NGEF: variants seen among roughly 807,000 people sequenced by gnomAD.
The protein encoded by NGEF is neuronal guanine nucleotide exchange factor, also known as ephexin-1.
In NGEF, 31 loss-of-function variants were observed where a neutral mutation model predicts 80.9. The observed-to-expected ratio is 0.38, with a 90% CI of 0.29 to 0.52. The LOEUF (loss-of-function observed/expected upper bound fraction) is 0.52. Among genes scored for constraint, NGEF ranks in the 20% least tolerant of loss-of-function variants. NGEF has a pLI of 0.84. For missense variants in NGEF, 709 were observed against 926.2 expected (o/e 0.77, Z 3.04); for synonymous variants, 371 against 370.2 (o/e 1.00, Z -0.03).
intron 5 of NGEF, among the ~76,000 whole-genome samples, chr2:232,903,110 T>C (rs1002631195): frequency 3.9e-5 from 6 of 152,240 alleles, no homozygotes; most frequent in African/African-American, 1.4e-4. Flanking sequence ...CATATGTGGC[T>C]AGTGTGTGAA....
chr2:232,915,040 A>G (rs1692766683), intron 5 of NGEF, among the ~76,000 whole-genome samples: 1 of 149,822 alleles, frequency 6.7e-6, no homozygotes, highest in South Asian at 2.1e-4. Context: ...AAAAAAGAAC[A>G]TTTTCATCAA....
chr2:232,891,061 G>A (rs1039963212), intron 8 of NGEF: 5 of 523,706 alleles, frequency 9.5e-6, no homozygotes, highest in African/African-American at 3.8e-5. Flanking sequence ...TTCCTGACCC[G>A]CCCCCATCGC....
chr2:233,000,137 C>G (rs1350460369), intron 1 of NGEF, among the ~76,000 whole-genome samples: 1 of 152,168 alleles, frequency 6.6e-6, no homozygotes, highest in African/African-American at 2.4e-5. Flanking sequence ...GGCCTTTCAC[C>G]CACGCTGGAG....
intron 3 of NGEF, among the ~76,000 whole-genome samples, chr2:232,955,098 G>A (rs950753422): frequency 1.3e-5 from 2 of 152,168 alleles, no homozygotes; most frequent in Non-Finnish European, 2.9e-5. Flanking sequence ...TCAAGTCTGG[G>A]AGTCTCCCTC....
chr2:232,879,830 C>T lies in NGEF; in HGVS notation c.1943-151G>A, dbSNP rs1026307020. On this transcript the variant is annotated intron_variant, in intron 14 of 14. Coordinates refer to ENST00000264051, the MANE Select transcript of NGEF (RefSeq NM_019850.3). ...AGGCAGCGGCTCTGCACACCTCTGC[C>T]GAGATGCTCAGACTGGAGTCACCCC... The T allele has an allele frequency of 7.5e-6, 5 of 668,670 alleles. No individual in the cohort carries two copies. The East Asian group carries it at 8.2e-5, about 11-fold the overall frequency. The allele number at this position is 668,670 out of a possible 1,614,324, so 41.4% of individuals were successfully genotyped here.
chr2:232,896,698 GTA>G (rs1559197203), intron 5 of NGEF, among the ~76,000 whole-genome samples: 1 of 28,526 alleles, frequency 3.5e-5, no homozygotes, highest in Non-Finnish European at 7.0e-5. Context: ...GGGGGTGGGG[GTA>G]GGGGTGGGGG....
chr2:232,906,978 A>G (rs1692575425), intron 5 of NGEF, among the ~76,000 whole-genome samples: 2 of 150,922 alleles, frequency 1.3e-5, no homozygotes, highest in Non-Finnish European at 3.0e-5. Context: ...AGATGCTTGA[A>G]GGCAGCATGC....
intron 3 of NGEF, among the ~76,000 whole-genome samples, chr2:232,957,051 A>G (rs1032883676): frequency 6.6e-6 from 1 of 152,110 alleles, no homozygotes; most frequent in Non-Finnish European, 1.5e-5. Flanking sequence ...TAAAGCTAAA[A>G]CACAAAGGGA....
At chr2:232,932,935 C>A (rs1357611841) in intron 3 of NGEF, among the ~76,000 whole-genome samples, 3 of 100,578 alleles carry the variant, frequency 3.0e-5, no homozygotes, top group Non-Finnish European at 6.0e-5. Context: ...GAAACCCTGT[C>A]TCTACTAAAA....
chr2:232,956,952 GA>G (rs572534313), intron 3 of NGEF, among the ~76,000 whole-genome samples: 121 of 152,082 alleles, frequency 8.0e-4, no homozygotes, highest in African/African-American at 2.8e-3. Context: ...ATTTAAATAG[GA>G]AGATAAAAAG....
At chr2:232,996,390 T>C (rs1694848587) in intron 1 of NGEF, among the ~76,000 whole-genome samples, 1 of 151,990 alleles carries the variant, frequency 6.6e-6, no homozygotes. Flanking sequence ...TGCTGGGAAA[T>C]GTGTTAGTGC....
At chr2:233,001,137 A>C (rs572596296) in intron 1 of NGEF, among the ~76,000 whole-genome samples, 42 of 152,318 alleles carry the variant, frequency 2.8e-4, no homozygotes, top group Admixed American at 8.5e-4. Context: ...TTGGCCCAGG[A>C]GGAATCAACC....
intron 1 of NGEF, among the ~76,000 whole-genome samples, chr2:232,998,615 T>C (rs1694905778): frequency 6.6e-6 from 1 of 151,880 alleles, no homozygotes; most frequent in Non-Finnish European, 1.5e-5. Context: ...TGAAGCCTTC[T>C]ACACAGGGGG....
chr2:232,884,256 CAT>C (rs1385449174), intron 10 of NGEF, 112 bp from the exon 11 acceptor site: 9 of 1,243,058 alleles, frequency 7.2e-6, no homozygotes, highest in Middle Eastern at 2.8e-4. Context: ...GGCCCCGACA[CAT>C]GAGGCACAAG....
chr2:232,993,204 A>AT (rs1694706116), intron 1 of NGEF, among the ~76,000 whole-genome samples: 1 of 136,306 alleles, frequency 7.3e-6, no homozygotes, highest in African/African-American at 2.8e-5. Context: ...ATTTATATAT[A>AT]TATTTGCCCG....
intron 3 of NGEF, among the ~76,000 whole-genome samples, chr2:232,928,657 C>T (rs540625083): frequency 6.6e-5 from 10 of 152,286 alleles, no homozygotes; most frequent in African/African-American, 2.2e-4. Flanking sequence ...TGCAAGCCCG[C>T]TCCTGAGCCT....
At chr2:233,012,353 C>T (rs1695226779) in intron 1 of NGEF, among the ~76,000 whole-genome samples, 1 of 152,058 alleles carries the variant, frequency 6.6e-6, no homozygotes, top group Admixed American at 6.5e-5. Context: ...AAACTGTGTC[C>T]CTACACATTT....
intron 5 of NGEF, among the ~76,000 whole-genome samples, chr2:232,900,674 G>A (rs1315976319): frequency 8.8e-6 from 1 of 113,654 alleles, no homozygotes; most frequent in Non-Finnish European, 1.8e-5. Flanking sequence ...ACACACACAC[G>A]CTCTCAGTCA....
At chr2:232,890,577 G>A (rs73108356) in intron 8 of NGEF, among the ~76,000 whole-genome samples, 30,837 of 151,676 alleles carry the variant, frequency 0.2, 3,556 homozygotes, top group South Asian at 0.33. Flanking sequence ...AGCCCTCCCC[G>A]CCCCAAGACG....
Sources: allele counts gnomAD v4.1 joint callset (sites outside exome capture counted in the v4.1 genomes callset), GRCh38; gene constraint gnomAD v4.1.1; transcripts MANE v1.5; gene names NCBI Gene and HGNC (gene_info 2026-07-23, HGNC 2026-07-21).